The following CREB1 variants were observed in gnomAD, a reference collection of about 807,000 sequenced individuals.
The protein encoded by CREB1 is cAMP responsive element binding protein 1, also known as cyclic AMP-responsive element-binding protein 1.
In CREB1, 2 loss-of-function variants were observed where a neutral mutation model predicts 42.0. The observed-to-expected ratio is 0.05, with a 90% CI of 0.02 to 0.15. The LOEUF is 0.15. Ranked by LOEUF, CREB1 falls within the 10% of genes least tolerant of loss-of-function variation. The pLI, the probability that CREB1 is intolerant of heterozygous loss-of-function variation, is 1.00. For missense variants in CREB1, 199 were observed against 388.9 expected, an observed-to-expected ratio of 0.51 and a Z score of 4.11; for synonymous variants, 123 against 139.9, an observed-to-expected ratio of 0.88 and a Z score of 0.85.
At chr2:207,577,419 A>G in intron 6 of CREB1, 86 bp from the exon 7 acceptor site, 3 of 1,509,538 alleles carry the variant, frequency 2.0e-6, no homozygotes, top group South Asian at 1.3e-5. Context: ...TTAGTCCAAA[A>G]TACATGCTTA....
At chr2:207,588,069 GTTATT>G (rs1239898101) in intron 7 of CREB1, among the ~76,000 whole-genome samples, 1 of 152,112 alleles carries the variant, frequency 6.6e-6, no homozygotes, top group Non-Finnish European at 1.5e-5. Flanking sequence ...AATGTCTACA[GTTATT>G]TTATGTCAAC....
rs978281482 is a variant in CREB1, at chr2:207,602,523, G to T, written c.*5465G>T. 1 of 209,244 alleles carries T rather than the reference G, an allele frequency of 4.8e-6. No individual in the cohort carries two copies. The highest frequency in any genetic ancestry group is 9.7e-6 in the Non-Finnish European group (1 of 103,052). 13.0% of individuals were successfully genotyped at this position (209,244 alleles called of 1,614,324 possible). On this transcript the variant is annotated 3_prime_UTR_variant, in exon 8 of 8. Transcript: ENST00000353267. ...AGAAGTATGGCATTTCCAAGCTTTT[G>T]TCTGAGGAGCATCTCAGAGAAGTGA...
At chr2:207,550,164 A>G (rs2081449107) in intron 1 of CREB1, 1 of 152,140 alleles carries the variant, frequency 6.6e-6, no homozygotes, top group African/African-American at 2.4e-5. Flanking sequence ...TAGTTTGAAA[A>G]TCATGTGCCC....
At chr2:207,565,523 G>T (rs559718351) in intron 3 of CREB1, among the ~76,000 whole-genome samples, 1 of 148,782 alleles carries the variant, frequency 6.7e-6, no homozygotes, top group African/African-American at 2.5e-5. Flanking sequence ...CATAGATCCA[G>T]AGTTAGAAAA....
Position 207,555,702 on chromosome 2 carries a change from C to G in CREB1, c.67C>G (p.Gln23Glu), listed in dbSNP as rs56292136. The change falls in exon 2 of 8, where the codon CAA becomes GAA. Residue 23 changes from glutamine (Q) to glutamate (E), a missense_variant. Physicochemically the swap from Gln to Glu is conservative, Grantham distance 29 (BLOSUM62 2). Coordinates refer to ENST00000353267, the MANE Select transcript of CREB1 (RefSeq NM_004379.5). ...TGCAGCTGTAACAGAAGCTGAAAAC[C>G]AACAAATGACAGTTCAAGCCCAGCC... ...GDAAVTEAEN[Q>E]QMTVQAQPQI... 38 of 1,613,528 alleles carry G rather than the reference C, an allele frequency of 2.4e-5. 1 individual carries two copies. Among genetic ancestry groups the G allele is most frequent in the South Asian group, 2.1e-4 (19 of 91,054 alleles).
At chr2:207,555,424 T>C (rs1312624898) in intron 1 of CREB1, among the ~76,000 whole-genome samples, 1 of 152,204 alleles carries the variant, frequency 6.6e-6, no homozygotes, top group Non-Finnish European at 1.5e-5. Flanking sequence ...TTTTTCTTCT[T>C]TGAAGGGACT....
chr2:207,596,585 C>T (rs953527544), intron 7 of CREB1, among the ~76,000 whole-genome samples: 2 of 152,152 alleles, frequency 1.3e-5, no homozygotes, highest in African/African-American at 2.4e-5. Context: ...AGGCATGTGC[C>T]GCCACACCCC....
chr2:207,553,434 C>G (rs564942463), intron 1 of CREB1, among the ~76,000 whole-genome samples: 1 of 152,024 alleles, frequency 6.6e-6, no homozygotes, highest in Non-Finnish European at 1.5e-5. Context: ...TTTAAAAGAC[C>G]ACAGTTTGCA....
intron 2 of CREB1, chr2:207,559,082 T>C (rs2081853175): frequency 1.3e-5 from 2 of 152,592 alleles, no homozygotes; most frequent in Admixed American, 6.5e-5. Flanking sequence ...CTAGCACATC[T>C]AGCCCCACCT....
chr2:207,588,530 A>C (rs2084312494), intron 7 of CREB1, among the ~76,000 whole-genome samples: 1 of 152,216 alleles, frequency 6.6e-6, no homozygotes, highest in African/African-American at 2.4e-5. Context: ...TGTATATTTT[A>C]TAATCCGCTT....
intron 7 of CREB1, among the ~76,000 whole-genome samples, chr2:207,594,268 A>C (rs2085679770): frequency 6.6e-6 from 1 of 152,144 alleles, no homozygotes; most frequent in African/African-American, 2.4e-5. Flanking sequence ...AATGAGTTTT[A>C]AGTATTCAGT....
At chr2:207,565,815 C>T (rs2082120426) in intron 3 of CREB1, among the ~76,000 whole-genome samples, 2 of 152,114 alleles carry the variant, frequency 1.3e-5, no homozygotes, top group African/African-American at 4.8e-5. Context: ...ACTTTGAGTT[C>T]AGTCTTGTTA....
At chr2:207,576,971 T>C in intron 6 of CREB1, 1 of 882,904 alleles carries the variant, frequency 1.1e-6, no homozygotes. Context: ...AATAATATAA[T>C]TGGCATCAAG....
At position 207,600,551 on chromosome 2, in the gene CREB1, G is replaced by A; in HGVS notation, c.*3493G>A. 4.7e-6 allele frequency: 1 copy of A among 211,160 alleles called. No homozygotes were observed. The highest frequency in any genetic ancestry group is 9.6e-6 in the Non-Finnish European group (1 of 104,068). 13.1% of individuals were successfully genotyped at this position (211,160 alleles called of 1,614,324 possible). On this transcript the variant is annotated 3_prime_UTR_variant, in exon 8 of 8. Transcript: ENST00000353267. ...ATTTGGTTTGTATGCTTTGTCTGTG[G>A]CAGCTATAACAGTGGTAAGAACATT...
intron 7 of CREB1, among the ~76,000 whole-genome samples, chr2:207,583,206 A>G (rs188827997): frequency 6.6e-6 from 1 of 152,238 alleles, no homozygotes; most frequent in Admixed American, 6.5e-5. Flanking sequence ...TATATAAGGG[A>G]CTTGAGCATC....
At chr2:207,537,044 A>G (rs1372286143) in intron 1 of CREB1, among the ~76,000 whole-genome samples, 1 of 84,420 alleles carries the variant, frequency 1.2e-5, no homozygotes, top group East Asian at 4.7e-4. Flanking sequence ...TAAAATGTTT[A>G]CAAAGTGCTT....
intron 7 of CREB1, among the ~76,000 whole-genome samples, chr2:207,595,737 T>A (rs940994512): frequency 1.4e-4 from 21 of 152,260 alleles, no homozygotes; most frequent in African/African-American, 2.6e-4. Context: ...GCTAAATTTT[T>A]AAAAATTTTT....
chr2:207,590,319 C>G (rs998979283), intron 7 of CREB1, among the ~76,000 whole-genome samples: 3 of 151,700 alleles, frequency 2.0e-5, no homozygotes, highest in African/African-American at 7.3e-5. Context: ...TTTCCTCTCT[C>G]TCTGTATTCG....
intron 1 of CREB1, among the ~76,000 whole-genome samples, chr2:207,544,621 G>A (rs1195485448): frequency 2.6e-5 from 4 of 152,086 alleles, no homozygotes; most frequent in Non-Finnish European, 4.4e-5. Flanking sequence ...ATAGGTAATC[G>A]TGTGCCATGG....
Sources: allele counts gnomAD v4.1 joint callset (sites outside exome capture counted in the v4.1 genomes callset), GRCh38; gene constraint gnomAD v4.1.1; transcripts MANE v1.5; gene names NCBI Gene and HGNC (gene_info 2026-07-23, HGNC 2026-07-21).